Variants in TACC2 observed in about 807,000 individuals in gnomAD.
The protein encoded by TACC2 is transforming acidic coiled-coil containing protein 2, also known as transforming acidic coiled-coil-containing protein 2.
TACC2 carries 137 observed loss-of-function variants against 227.3 expected under a neutral mutation model. The observed-to-expected ratio is 0.60, with a 90% confidence interval of 0.52 to 0.69. The LOEUF is 0.69. Ranked by LOEUF, TACC2 falls within the 30% of genes least tolerant of loss-of-function variation. TACC2 has a pLI of 0.00. For missense variants in TACC2, 3,470 were observed against 3,694.4 expected, an observed-to-expected ratio of 0.94 and a Z score of 1.57; for synonymous variants, 1,523 against 1,487.5, an observed-to-expected ratio of 1.02 and a Z score of -0.55.
intron 8 of TACC2, 31 bp downstream of exon 8, chr10:122,195,207 C>A: frequency 6.3e-7 from 1 of 1,581,804 alleles, no homozygotes; most frequent in South Asian, 1.2e-5. Context: ...CCCCAGACAG[C>A]CCTGTAGAGT....
rs555662132 is a variant in TACC2, at chr10:122,135,654, A to G, written c.5699+2920A>G. On this transcript the variant is annotated intron_variant, in intron 6 of 22. Coordinates refer to ENST00000369005, the MANE Select transcript of TACC2 (RefSeq NM_206862.4). ...CAGATGCCTCTGTAAAATACAGTCG[A>G]TCCTCGTTGGCAGATTCCATATTTG... 7.9e-5 allele frequency among the ~76,000 whole-genome samples: 12 copies of G among 152,322 alleles called. No homozygotes were observed. In the South Asian group the frequency reaches 2.5e-3, roughly 32 times the overall value.
At chr10:122,114,343 G>A (rs2084241470) in intron 5 of TACC2, among the ~76,000 whole-genome samples, 1 of 152,234 alleles carries the variant, frequency 6.6e-6, no homozygotes, top group Non-Finnish European at 1.5e-5. Flanking sequence ...TGTGACGTGA[G>A]GCAGTGTTTG....
At chr10:122,044,749 A>G (rs560635412) in intron 2 of TACC2, among the ~76,000 whole-genome samples, 5 of 151,676 alleles carry the variant, frequency 3.3e-5, no homozygotes, top group African/African-American at 1.2e-4. Flanking sequence ...GGACTGGAAA[A>G]TTGCTGTAAC....
At chr10:122,012,432 A>AAAAAAAAG (rs1214139841) in intron 1 of TACC2, among the ~76,000 whole-genome samples, 3 of 150,088 alleles carry the variant, frequency 2.0e-5, no homozygotes, top group African/African-American at 7.3e-5. Context: ...AAAAAAAAAA[A>AAAAAAAAG]AAAAAAAGAT....
chr10:122,045,329 A>G (rs998386652), intron 2 of TACC2, among the ~76,000 whole-genome samples: 1 of 152,208 alleles, frequency 6.6e-6, no homozygotes, highest in Non-Finnish European at 1.5e-5. Context: ...ATTCCACTGT[A>G]TGGCGAAGCA....
intron 2 of TACC2, chr10:122,033,087 A>C (rs1959174741): frequency 7.8e-7 from 1 of 1,289,108 alleles, no homozygotes; most frequent in Non-Finnish European, 1.0e-6. Flanking sequence ...ATCCCTTTGC[A>C]TTTCAGCAGG....
At chr10:122,216,976 A>G in intron 11 of TACC2, 148 bp downstream of exon 11, 2 of 1,479,932 alleles carry the variant, frequency 1.4e-6, no homozygotes, top group Non-Finnish European at 1.8e-6. Context: ...CTGCACTTGC[A>G]GCTCAGGCTG....
Position 122,248,655 on chromosome 10 carries a change from G to A in TACC2, c.8405G>A (p.Arg2802Lys). ...TCTCTCCTGCCAGAGGACGAACAGA[G>A]AGAGAAGTCAGTCTCCCACCAGACG... ...TIAQMIEDEQ[R>K]EKSVSHQTVQ... The change falls in exon 20 of 23, where the codon AGA becomes AAA. Residue 2802 changes from arginine to lysine, a missense_variant. Arg to Lys is a conservative substitution (Grantham distance 26). This residue lies in a region of TACC2 where 65 missense variants were observed against 119.3 expected (regional missense o/e 0.54). Coordinates refer to ENST00000369005, the MANE Select transcript of TACC2 (RefSeq NM_206862.4). 1.2e-6 allele frequency: 2 copies of A among 1,613,350 alleles called. No homozygotes were observed. The highest frequency in any genetic ancestry group is 2.2e-5 in the South Asian group (2 of 91,026).
intron 7 of TACC2, among the ~76,000 whole-genome samples, chr10:122,189,534 A>C (rs565603971): frequency 1.3e-5 from 2 of 152,302 alleles, no homozygotes; most frequent in East Asian, 3.9e-4. Context: ...AGAAGAAGGA[A>C]GCCCCTGTCT....
At chr10:122,163,702 C>A in intron 7 of TACC2, 1 of 1,116,142 alleles carries the variant, frequency 9.0e-7, no homozygotes, top group Non-Finnish European at 1.1e-6. Context: ...GCCGGCCACA[C>A]TCGCGCGCAC....
In TACC2 at chr10:122,084,151, G is replaced by A; in HGVS notation, c.1651G>A (p.Asp551Asn). ...TGCCAGAGGGCCACCGGGGCCAACG[G>A]ATGGAGCCAAGGTCCATGAAGATTC... ...ESARGPPGPT[D>N]GAKVHEDSTS... Residue 551 changes from aspartate (D) to asparagine (N), a missense_variant, in exon 4 of 23, where the codon GAT (aspartate) becomes AAT (asparagine). Transcript: ENST00000369005. The A allele has an allele frequency of 6.2e-7, 1 of 1,614,112 alleles. No individual in the cohort carries two copies.
In TACC2 at chr10:122,086,966, T is replaced by C; in HGVS notation, c.4466T>C (p.Leu1489Pro). The change falls in exon 4 of 23, where the codon CTG (leucine) becomes CCG (proline). Residue 1489 changes from leucine to proline, a missense_variant. Leu to Pro is a moderately conservative substitution (Grantham distance 98). Transcript: ENST00000369005. ...AGEAEISHLA[L>P]QDPASDKLLG... is the part of the protein sequence containing the mutation. ...GAGGCTGAGATTTCCCATCTGGCTC[T>C]GCAAGATCCAGCTTCAGACAAGCTT... The C allele has an allele frequency of 6.2e-7, 1 of 1,613,998 alleles. No homozygotes were observed.
chr10:121,994,681 C>T (rs1953202857), intron 1 of TACC2: 1 of 152,764 alleles, frequency 6.5e-6, no homozygotes, highest in Admixed American at 6.5e-5. Context: ...CGCTTCTCTC[C>T]TCCTCCTCTC....
intron 1 of TACC2, among the ~76,000 whole-genome samples, chr10:122,016,973 C>T (rs1956727718): frequency 6.6e-6 from 1 of 152,186 alleles, no homozygotes; most frequent in African/African-American, 2.4e-5. Context: ...CATGTGAAGA[C>T]ATGGGGAGAA....
chr10:122,091,197 G>C (rs141178344), intron 5 of TACC2, among the ~76,000 whole-genome samples: 28 of 152,150 alleles, frequency 1.8e-4, no homozygotes, highest in African/African-American at 6.0e-4. Flanking sequence ...CTGGCTACGT[G>C]TGGATGGAGA....
chr10:122,250,408 T>C (rs1207644503), intron 22 of TACC2, among the ~76,000 whole-genome samples: 2 of 152,210 alleles, frequency 1.3e-5, no homozygotes, highest in African/African-American at 4.8e-5. Flanking sequence ...GCAGCCTGGG[T>C]TGGCAGCACA....
intron 19 of TACC2, chr10:122,247,464 C>T (rs1484586250): frequency 6.6e-6 from 1 of 152,274 alleles, no homozygotes; most frequent in Non-Finnish European, 1.5e-5. Context: ...TCCTCACCCA[C>T]CTGGGCCGGG....
At chr10:122,188,872 G>A (rs2094310425) in intron 7 of TACC2, among the ~76,000 whole-genome samples, 1 of 152,150 alleles carries the variant, frequency 6.6e-6, no homozygotes, top group South Asian at 2.1e-4. Context: ...TTTTTCGCGA[G>A]GCAGCCGTAG....
intron 7 of TACC2, among the ~76,000 whole-genome samples, chr10:122,187,013 T>C (rs1183051485): frequency 6.6e-6 from 1 of 152,202 alleles, no homozygotes; most frequent in South Asian, 2.1e-4. Context: ...GGTGAAATCA[T>C]GAGCCCAGGG....
Sources: gnomAD v4.1 joint callset for allele counts (sites outside exome capture counted in the v4.1 genomes callset) on GRCh38, gnomAD v4.1.1 for gene constraint, gnomAD v4.1.1 regional missense constraint, MANE v1.5 for transcripts, NCBI Gene and HGNC (gene_info 2026-07-23, HGNC 2026-07-21) for gene names.